The following ACR variants were observed in gnomAD, a reference collection of about 807,000 sequenced individuals.
ACR encodes the protein acrosin light and heavy chain prepropeptide.
In ACR, 17 loss-of-function variants were observed where a neutral mutation model predicts 26.0. The ratio of observed to expected loss-of-function variants is 0.65; its 90% CI spans 0.45 to 0.98. The LOEUF is 0.98. Among genes scored for constraint, ACR ranks in the 50% least tolerant of loss-of-function variants. ACR has a pLI of 0.00. For missense variants in ACR, 435 were observed against 519.3 expected (o/e 0.84, Z 1.58); for synonymous variants, 199 against 207.7 (o/e 0.96, Z 0.36).
chr22:50,744,367 C>T (rs1466288972), intron 4 of ACR, among the ~76,000 whole-genome samples, 161 bp downstream of exon 4: 11 of 151,640 alleles, frequency 7.3e-5, no homozygotes, highest in Non-Finnish European at 1.5e-4. Context: ...AGCACCTACT[C>T]TCACAGTGGG....
intron 3 of ACR, among the ~76,000 whole-genome samples, chr22:50,741,517 CA>C (rs1569123932): frequency 6.6e-6 from 1 of 151,934 alleles, no homozygotes; most frequent in Non-Finnish European, 1.5e-5. Context: ...TTCTATTACT[CA>C]GACAGATTGT....
At chr22:50,741,673 T>C (rs528073121) in intron 3 of ACR, among the ~76,000 whole-genome samples, 2 of 151,906 alleles carry the variant, frequency 1.3e-5, no homozygotes, top group Non-Finnish European at 2.9e-5. Flanking sequence ...AGCCCAAGTC[T>C]TAAAGAAACC....
chr22:50,743,617 C>G (rs1193486338), intron 3 of ACR: 1 of 178,756 alleles, frequency 5.6e-6, no homozygotes, highest in Non-Finnish European at 1.2e-5. Context: ...GAGGAGCAGT[C>G]CTGAGGCCAG....
rs368884202 is a variant in ACR, at chr22:50,739,349, G to A, written c.156G>A (p.Gly52=). The A allele has an allele frequency of 1.2e-6, 2 of 1,612,736 alleles. No homozygotes were observed. The highest frequency in any genetic ancestry group is 1.3e-5 in the African/African-American group (1 of 74,916). ...TCGGCGGGAAGGCTGCACAGCATGG[G>A]GCCTGGCCCTGGATGGTCAGCCTCC... is the stretch of plus-strand genomic sequence containing the variant. ...RIVGGKAAQH[G]AWPWMVSLQI... is the part of the protein sequence containing the mutation. The change falls in exon 2 of 5, where the codon GGG becomes GGA. Residue 52 remains glycine, a synonymous_variant. Coordinates refer to ENST00000216139, the MANE Select transcript of ACR (RefSeq NM_001097.3). This position sits in a 1 kb window ranked among gnomAD's most constrained non-coding sequence, Gnocchi z 5.5.
rs1443215509 is a variant in ACR, at chr22:50,738,219, C to A, written c.-17C>A. The stretch of plus-strand genomic sequence containing the variant: ...TTGTGAGGTCACTAGGCTTGCAGGC[C>A]AGGCAGTGCCAGGAGTATGGTTGAG... On this transcript the variant is annotated 5_prime_UTR_variant, in exon 1 of 5. Coordinates refer to ENST00000216139, the MANE Select transcript of ACR (RefSeq NM_001097.3). 6.2e-7 allele frequency: 1 copy of A among 1,613,830 alleles called. No homozygotes were observed.
chr22:50,740,130 C>A (rs1395119223), intron 3 of ACR, 153 bp downstream of exon 3: 1 of 998,224 alleles, frequency 1.0e-6, no homozygotes, highest in South Asian at 1.4e-5. Flanking sequence ...TTCCACAGTC[C>A]CCTGTGCCAG....
At position 50,740,002 on chromosome 22, in the gene ACR, G is replaced by T. The variant is rs1399480834; in HGVS notation, c.565+25G>T. The T allele has an allele frequency of 2.5e-6, 4 of 1,612,348 alleles. No individual in the cohort carries two copies. The East Asian group carries it at 8.9e-5, about 36-fold the overall frequency. On this transcript the variant is annotated intron_variant, in intron 3 of 4. Coordinates refer to ENST00000216139, the MANE Select transcript of ACR (RefSeq NM_001097.3). ...GGTGAGTATGGGAGCGCCTCCAAGG[G>T]GGGACGCTGCTGGCCATTCTCCTGG...
At chr22:50,743,181 GC>G (rs1353791046) in intron 3 of ACR, among the ~76,000 whole-genome samples, 17 of 149,890 alleles carry the variant, frequency 1.1e-4, no homozygotes, top group African/African-American at 7.4e-5. Context: ...GACTACAGGC[GC>G]CCGCCACCAT....
Position 50,745,096 on chromosome 22 carries a change from C to A in ACR, c.1155C>A (p.Ala385=). The change falls in exon 5 of 5, where the codon GCC becomes GCA. Residue 385 remains alanine (A), a synonymous_variant. Coordinates refer to ENST00000216139, the MANE Select transcript of ACR (RefSeq NM_001097.3). ...TTKLPQGLSF[A]KRLQQLIEVL... is the part of the protein sequence containing the mutation. ...AACTTCCCCAAGGACTTTCTTTTGC[C>A]AAGCGCCTACAGCAGCTCATAGAGG... 1.4e-6 allele frequency: 1 copy of A among 702,892 alleles called. No individual in the cohort carries two copies. Among genetic ancestry groups the A allele is most frequent in the South Asian group, 1.9e-5 (1 of 52,426 alleles). 43.5% of individuals were successfully genotyped at this position (702,892 alleles called of 1,614,324 possible). A position where few individuals can be genotyped will look rare whatever the true frequency, so the allele number is the denominator to read the frequency against.
At position 50,739,208 on chromosome 22, in the gene ACR, G is replaced by A. The variant is rs2146852558; in HGVS notation, c.78-63G>A. 4 of 1,434,240 alleles carry A rather than the reference G, an allele frequency of 2.8e-6. No individual in the cohort carries two copies. The highest frequency in any genetic ancestry group is 3.8e-6 in the Non-Finnish European group (4 of 1,044,942). 88.8% of individuals were successfully genotyped at this position (1,434,240 alleles called of 1,614,324 possible). Reference sequence around the variant, plus strand: ...CCCATGTCCCTGCCTCCCCTCAGTTGTGGAGTTACAAGGACAGGCTGTGCT... The same window carrying A: ...CCCATGTCCCTGCCTCCCCTCAGTTATGGAGTTACAAGGACAGGCTGTGCT... On this transcript the variant is annotated intron_variant, in intron 1 of 4. Coordinates refer to ENST00000216139, the MANE Select transcript of ACR (RefSeq NM_001097.3). The surrounding 1 kb of genome is among the most constrained non-coding windows in gnomAD (Gnocchi z 5.5).
chr22:50,739,143 C>A lies in ACR; in HGVS notation c.78-128C>A. 1 of 828,484 alleles carries A rather than the reference C, an allele frequency of 1.2e-6. No individual in the cohort carries two copies. Among genetic ancestry groups the A allele is most frequent in the Non-Finnish European group, 1.9e-6 (1 of 521,360 alleles). 51.3% of individuals were successfully genotyped at this position (828,484 alleles called of 1,614,324 possible). ...TCCTACATAGCGCAGGCTGCCCCTG[C>A]TTTCCCAGAACCCGGAAGCTCTTCC... On this transcript the variant is annotated intron_variant, in intron 1 of 4. Transcript: ENST00000216139. This position sits in a 1 kb window ranked among gnomAD's most constrained non-coding sequence, Gnocchi z 5.5.
chr22:50,739,014 CAG>C lies in ACR; in HGVS notation c.78-256_78-255del, dbSNP rs1304405013. 6.6e-6 allele frequency among the ~76,000 whole-genome samples: 1 copy of C among 152,218 alleles called. No individual in the cohort carries two copies. The highest frequency in any genetic ancestry group is 1.5e-5 in the Non-Finnish European group (1 of 68,040). On this transcript the variant is annotated intron_variant, in intron 1 of 4. Transcript: ENST00000216139. This position sits in a 1 kb window ranked among gnomAD's most constrained non-coding sequence, Gnocchi z 5.5. The stretch of plus-strand genomic sequence containing the variant: ...GACGGGCCATCCCTCAGGGCCCATG[CAG>C]CCTGTCCTGGCTTCCTATGGCCTCC...
intron 3 of ACR, chr22:50,740,521 C>T: frequency 2.9e-6 from 2 of 692,678 alleles, no homozygotes; most frequent in Non-Finnish European, 2.6e-6. Flanking sequence ...ACCAAATCTA[C>T]CCTCTCCATC....
intron 3 of ACR, among the ~76,000 whole-genome samples, chr22:50,741,204 T>C (rs146034851): frequency 4.3e-4 from 66 of 152,302 alleles, no homozygotes; most frequent in Middle Eastern, 3.4e-3. Flanking sequence ...CTTATTTCCT[T>C]CTCTGAGGGC....
Position 50,739,580 on chromosome 22 carries a change from G to T in ACR, c.281+106G>T. On this transcript the variant is annotated intron_variant, in intron 2 of 4. Coordinates refer to ENST00000216139, the MANE Select transcript of ACR (RefSeq NM_001097.3). This position sits in a 1 kb window ranked among gnomAD's most constrained non-coding sequence, Gnocchi z 5.5. ...GTCTCCCTGGGGCTCTGGGCCAAGT[G>T]GCTGCAAGACTCCGGGGGCTGGTCC... 6.4e-7 allele frequency: 1 copy of T among 1,567,500 alleles called. No homozygotes were observed. The highest frequency in any genetic ancestry group is 8.7e-7 in the Non-Finnish European group (1 of 1,149,978).
At chr22:50,740,255 G>T in intron 3 of ACR, 1 of 580,018 alleles carries the variant, frequency 1.7e-6, no homozygotes, top group Non-Finnish European at 3.1e-6. Context: ...GGCACCTGGG[G>T]CCCAAGCTGC....
Position 50,739,828 on chromosome 22 carries a change from A to G in ACR, c.416A>G (p.Glu139Gly), listed in dbSNP as rs760115224. ...CATGAAAAATACAACTCTGCGACAGAGGGAAATGACATTGCCCTCGTGGAG... is the reference window on the plus strand; with the variant it reads ...CATGAAAAATACAACTCTGCGACAGGGGGAAATGACATTGCCCTCGTGGAG... ...IIHEKYNSAT[E>G]GNDIALVEIT... The change falls in exon 3 of 5, where the codon GAG becomes GGG. Residue 139 changes from glutamate to glycine, a missense_variant. Glu to Gly is a moderately conservative substitution (Grantham distance 98). Transcript: ENST00000216139. The surrounding 1 kb of genome is among the most constrained non-coding windows in gnomAD (Gnocchi z 5.5). 6.2e-7 allele frequency: 1 copy of G among 1,611,308 alleles called. No homozygotes were observed. Among genetic ancestry groups the G allele is most frequent in the South Asian group, 1.1e-5 (1 of 90,598 alleles).
rs370250594 is a variant in ACR, at chr22:50,739,765, C to A, written c.353C>A (p.Ala118Glu). ...TATGGGAACAATAAACCAGTAAAGG[C>A]GCCTCTGCAAGAGAGATATGTGGAG... ...ITYGNNKPVK[A>E]PLQERYVEKI... The change falls in exon 3 of 5, where the codon GCG becomes GAG. Residue 118 changes from alanine (A) to glutamate (E), a missense_variant. Transcript: ENST00000216139. The surrounding 1 kb of genome is among the most constrained non-coding windows in gnomAD (Gnocchi z 5.5). 2.5e-6 allele frequency: 4 copies of A among 1,581,594 alleles called. No individual in the cohort carries two copies. The highest frequency in any genetic ancestry group is 2.7e-5 in the African/African-American group (2 of 73,166).
chr22:50,741,989 A>T (rs549886913), intron 3 of ACR, among the ~76,000 whole-genome samples: 7 of 151,992 alleles, frequency 4.6e-5, no homozygotes, highest in Non-Finnish European at 5.9e-5. Context: ...ATAAAACATT[A>T]GCAGGGTGTG....
Sources: gnomAD v4.1 joint callset for allele counts (sites outside exome capture counted in the v4.1 genomes callset) on GRCh38, gnomAD v4.1.1 for gene constraint, Gnocchi (gnomAD v3.1) non-coding constraint, MANE v1.5 for transcripts, NCBI Gene and HGNC (gene_info 2026-07-23, HGNC 2026-07-21) for gene names.